Variants in BPIFB4 observed in about 807,000 individuals in gnomAD.
BPIFB4 encodes the protein BPI fold-containing family B member 4.
BPIFB4 carries 62 observed loss-of-function variants against 69.2 expected under a neutral mutation model. The ratio of observed to expected loss-of-function variants is 0.90; its 90% CI spans 0.73 to 1.11. The LOEUF is 1.11. Ranked by LOEUF, BPIFB4 falls within the 50% of genes least tolerant of loss-of-function variation. BPIFB4 has a pLI of 0.00. For synonymous variants in BPIFB4, 330 were observed against 332.7 expected (o/e 0.99, Z 0.09); for missense variants, 789 against 792.0 (o/e 1.00, Z 0.04).
chr20:33,104,608 C>G (rs1981992365), intron 15 of BPIFB4: 2 of 556,704 alleles, frequency 3.6e-6, no homozygotes, highest in Non-Finnish European at 6.4e-6. Context: ...GTCTGCCCAT[C>G]TGCACAATGT....
intron 3 of BPIFB4, 136 bp from the exon 4 acceptor site, chr20:33,082,802 A>G: frequency 1.2e-6 from 1 of 829,672 alleles, no homozygotes; most frequent in East Asian, 2.5e-5. Flanking sequence ...TGGAGAAGTC[A>G]TCCCGTTCAG....
At position 33,090,562 on chromosome 20, in the gene BPIFB4, G is replaced by T. The variant is rs188008672; in HGVS notation, c.1052-146G>T. On this transcript the variant is annotated intron_variant, in intron 9 of 17. Transcript: ENST00000375483. ...CACAGCAAGGAAGAGGCAGAGCTGGGATTCAAACCCAGAACTTTTGCTCTT... is the reference window on the plus strand; with the variant it reads ...CACAGCAAGGAAGAGGCAGAGCTGGTATTCAAACCCAGAACTTTTGCTCTT... 1,203 of 1,386,630 alleles carry T rather than the reference G, an allele frequency of 8.7e-4. 7 individuals are homozygous for T. The highest frequency in any genetic ancestry group is 2.3e-4 in the Non-Finnish European group (242 of 1,045,950). The allele number at this position is 1,386,630 out of a possible 1,614,324, so 85.9% of individuals were successfully genotyped here.
At chr20:33,087,205 A>G (rs7265752) in intron 7 of BPIFB4, among the ~76,000 whole-genome samples, 41,156 of 152,088 alleles carry the variant, frequency 0.27, 5,792 homozygotes, top group African/African-American at 0.33. Context: ...TGCATGGTTC[A>G]CAAACATAAA....
Position 33,107,832 on chromosome 20 carries a change from T to A in BPIFB4, c.1821+12T>A. 1.2e-6 allele frequency: 2 copies of A among 1,611,372 alleles called. No individual in the cohort carries two copies. Among genetic ancestry groups the A allele is most frequent in the Admixed American group, 3.3e-5 (2 of 59,996 alleles). ...TTGACGTGTTGGAGGTAAGAGGAGA[T>A]CGAGCTCCATTCTGCTTTTCCTCCC... On this transcript the variant is annotated intron_variant, in intron 17 of 17. Coordinates refer to ENST00000375483, the MANE Select transcript of BPIFB4 (RefSeq NM_182519.3).
Position 33,083,436 on chromosome 20 carries a change from A to T in BPIFB4, c.239A>T (p.Lys80Ile), listed in dbSNP as rs1981306242. The change falls in exon 5 of 18, where the codon AAA becomes ATA. Residue 80 changes from lysine to isoleucine, a missense_variant. By Grantham distance (102) the Lys-to-Ile change is moderately radical. Coordinates refer to ENST00000375483, the MANE Select transcript of BPIFB4 (RefSeq NM_182519.3). ...CCCCCAGTATATACCAACGGCAAAA[A>T]ACTTGATGGTATTTACCAGTATGGT... ...GPPPVYTNGK[K>I]LDGIYQYGHI... 4.3e-6 allele frequency: 7 copies of T among 1,613,594 alleles called. No individual in the cohort carries two copies. The highest frequency in any genetic ancestry group is 5.9e-6 in the Non-Finnish European group (7 of 1,179,852).
chr20:33,097,655 C>T lies in BPIFB4; in HGVS notation c.1437C>T (p.Ile479=), dbSNP rs1981792753. The change falls in exon 13 of 18, where the codon ATC becomes ATT. Residue 479 remains isoleucine (I), a synonymous_variant. Coordinates refer to ENST00000375483, the MANE Select transcript of BPIFB4 (RefSeq NM_182519.3). ...ACCCCGAGTCCTGCCCACTTATCAT[C>T]AGGATCCAGGTGCTGAACCCACCAT... is the stretch of plus-strand genomic sequence containing the variant. ...QQYPESCPLI[I]RIQVLNPPSV... 1 of 1,614,132 alleles carries T rather than the reference C, an allele frequency of 6.2e-7. No homozygotes were observed. Among genetic ancestry groups the T allele is most frequent in the East Asian group, 2.2e-5 (1 of 44,888 alleles).
intron 10 of BPIFB4, among the ~76,000 whole-genome samples, chr20:33,092,057 C>T (rs1483332973): frequency 2.0e-5 from 3 of 151,998 alleles, no homozygotes; most frequent in Admixed American, 1.3e-4. Flanking sequence ...GGCTGTGTAG[C>T]GGGAAGGTGA....
chr20:33,099,941 GA>G (rs1428526959), intron 13 of BPIFB4, among the ~76,000 whole-genome samples: 7 of 144,664 alleles, frequency 4.8e-5, no homozygotes, highest in Admixed American at 1.4e-4. Flanking sequence ...GAGAGAGAGA[GA>G]TGAGCCTGGG....
At position 33,083,560 on chromosome 20, in the gene BPIFB4, T is replaced by C. The variant is rs1234043856; in HGVS notation, c.363T>C (p.Ser121=). 2.5e-6 allele frequency: 4 copies of C among 1,613,614 alleles called. No individual in the cohort carries two copies. The African/African-American group carries it at 5.3e-5, about 22-fold the overall frequency. Residue 121 remains serine (S), a synonymous_variant, in exon 5 of 18, where the codon AGT becomes AGC. Coordinates refer to ENST00000375483, the MANE Select transcript of BPIFB4 (RefSeq NM_182519.3). ...SEGSIRDLRN[S]GYRSAENAYG... The stretch of plus-strand genomic sequence containing the variant: ...GAAGCATCAGGGACCTCCGAAACAG[T>C]GGCTATCGCAGTGCCGAGAATGCAT...
intron 2 of BPIFB4, 83 bp from the exon 3 acceptor site, chr20:33,081,429 C>T: frequency 6.6e-7 from 1 of 1,512,916 alleles, no homozygotes; most frequent in Non-Finnish European, 8.9e-7. Context: ...TGAGATGACT[C>T]TTGGCTGGGG....
At chr20:33,110,751 AT>A (rs200479862) in intron 17 of BPIFB4, among the ~76,000 whole-genome samples, 15,212 of 111,316 alleles carry the variant, frequency 0.14, 2,667 homozygotes, top group African/African-American at 0.42. Flanking sequence ...AGACTCACGA[AT>A]TTTTTTTTTT....
chr20:33,094,995 C>T (rs1981717114), intron 11 of BPIFB4, 105 bp from the exon 12 acceptor site: 2 of 1,158,072 alleles, frequency 1.7e-6, no homozygotes, highest in Admixed American at 1.7e-5. Flanking sequence ...CGAAGACGCC[C>T]TGCTGGGTGT....
In BPIFB4 at chr20:33,080,469, G is replaced by T. The variant is rs1981196699; in HGVS notation, c.-123G>T. On this transcript the variant is annotated splice_region_variant and 5_prime_UTR_variant, in exon 2 of 18. Coordinates refer to ENST00000375483, the MANE Select transcript of BPIFB4 (RefSeq NM_182519.3). ...ATAACATTCCTCACCCACTTCTTAG[G>T]GGTCTGAAATAACAGTCCCAAAGTA... 1 of 152,186 alleles carries T rather than the reference G, an allele frequency of 6.6e-6. No homozygotes were observed. The highest frequency in any genetic ancestry group is 2.4e-5 in the African/African-American group (1 of 41,444). 9.4% of individuals were successfully genotyped at this position (152,186 alleles called of 1,614,324 possible). A position where few individuals can be genotyped will look rare whatever the true frequency, so the allele number is the denominator to read the frequency against.
At chr20:33,092,356 A>G in intron 10 of BPIFB4, 102 bp from the exon 11 acceptor site, 1 of 1,110,060 alleles carries the variant, frequency 9.0e-7, no homozygotes, top group Non-Finnish European at 1.3e-6. Flanking sequence ...GTTTAACCAA[A>G]AATGGCTGCC....
chr20:33,101,431 T>C (rs1252542458), intron 14 of BPIFB4, among the ~76,000 whole-genome samples: 2 of 152,190 alleles, frequency 1.3e-5, no homozygotes, highest in African/African-American at 2.4e-5. Flanking sequence ...AGTTTTCTCA[T>C]CTGAAAATGG....
intron 13 of BPIFB4, among the ~76,000 whole-genome samples, chr20:33,099,930 AG>A (rs1981860965): frequency 6.6e-6 from 1 of 151,604 alleles, no homozygotes; most frequent in Non-Finnish European, 1.5e-5. Flanking sequence ...CTACTTGGAG[AG>A]AGAGAGAGAG....
Position 33,083,656 on chromosome 20 carries a change from G to T in BPIFB4, c.459G>T (p.Gln153His). Residue 153 changes from glutamine to histidine, a missense_variant, in exon 5 of 18, where the codon CAG becomes CAT. By Grantham distance (24) the Gln-to-His change is conservative. Around this residue, in one of 3 missense-constraint regions of BPIFB4, gnomAD observed 611 missense variants for 575.4 expected, o/e 1.06. Transcript: ENST00000375483. ...GCAGGCTTCACCGGCGAGAGCTGCA[G>T]CCTGGAGAAATCCCACCTGGAGTTG... ...PVGRLHRREL[Q>H]PGEIPPGVAT... 1 of 1,614,116 alleles carries T rather than the reference G, an allele frequency of 6.2e-7. No homozygotes were observed. Among genetic ancestry groups the T allele is most frequent in the East Asian group, 2.2e-5 (1 of 44,868 alleles).
rs1981227765 is a variant in BPIFB4, at chr20:33,081,505, T to C, written c.-15-7T>C. On this transcript the variant is annotated splice_polypyrimidine_tract_variant and splice_region_variant and intron_variant, in intron 2 of 17. Coordinates refer to ENST00000375483, the MANE Select transcript of BPIFB4 (RefSeq NM_182519.3). ...CCACATCTGCATCTGCACTTTCTCC[T>C]CCACAGGGAAGCAGTGCCAGCATGT... The C allele has an allele frequency of 6.4e-7, 1 of 1,551,314 alleles. No individual in the cohort carries two copies. The highest frequency in any genetic ancestry group is 1.4e-5 in the African/African-American group (1 of 73,050).
chr20:33,108,930 A>G (rs1982154397), intron 17 of BPIFB4, among the ~76,000 whole-genome samples: 1 of 152,018 alleles, frequency 6.6e-6, no homozygotes, highest in Non-Finnish European at 1.5e-5. Flanking sequence ...GCCGAAGGAA[A>G]TTGCCCCCTC....
Sources: allele counts gnomAD v4.1 joint callset (sites outside exome capture counted in the v4.1 genomes callset), GRCh38; gene constraint gnomAD v4.1.1; regional missense constraint gnomAD v4.1.1; transcripts MANE v1.5; gene names NCBI Gene and HGNC (gene_info 2026-07-23, HGNC 2026-07-21).